Variants in TAOK3 observed in about 807,000 individuals in gnomAD.
TAOK3 encodes the protein serine/threonine-protein kinase TAO3.
Under a neutral mutation model 120.4 loss-of-function variants are expected in TAOK3, and 40 were observed. That is an observed-to-expected ratio of 0.33 (90% CI 0.26 to 0.43). The LOEUF is 0.43. Among genes scored for constraint, TAOK3 ranks in the 20% least tolerant of loss-of-function variants. The pLI, the probability that TAOK3 is intolerant of heterozygous loss-of-function variation, is 1.00. For synonymous variants in TAOK3, 355 were observed against 387.5 expected, an observed-to-expected ratio of 0.92 and a Z score of 0.99; for missense variants, 821 against 1,112.1, an observed-to-expected ratio of 0.74 and a Z score of 3.72.
At position 118,167,152 on chromosome 12, in the gene TAOK3, CTG is replaced by C. The variant is rs1399632722; in HGVS notation, c.1900-5127_1900-5126del. 2.0e-5 allele frequency among the ~76,000 whole-genome samples: 3 copies of C among 152,098 alleles called. No individual in the cohort carries two copies. The East Asian group carries it at 5.8e-4, about 29-fold the overall frequency. ...ACACTGGTCAGAAAATGCTGAGTGT[CTG>C]TGTGTGTTGGTGATAGAGAAAGAGG... On this transcript the variant is annotated intron_variant, in intron 17 of 20. Transcript: ENST00000392533.
At chr12:118,173,606 T>C (rs1010926227) in intron 16 of TAOK3, among the ~76,000 whole-genome samples, 4 of 152,164 alleles carry the variant, frequency 2.6e-5, no homozygotes, top group African/African-American at 9.7e-5. Flanking sequence ...TAGTTTGAAT[T>C]TTAGGAAAAA....
rs186587146 is a variant in TAOK3, at chr12:118,226,136, G to A, written c.643+7538C>T. 6.3e-3 allele frequency among the ~76,000 whole-genome samples: 962 copies of A among 152,326 alleles called. 6 individuals carry two copies. Among genetic ancestry groups the A allele is most frequent in the Admixed American group, 0.013 (202 of 15,298 alleles). ...CACGCCTGTAATCCCAGCACTTTGGGAGGCCGAGGCGGGCAGATCACAAGG... is the reference window on the plus strand; with the variant it reads ...CACGCCTGTAATCCCAGCACTTTGGAAGGCCGAGGCGGGCAGATCACAAGG... On this transcript the variant is annotated intron_variant, in intron 9 of 20. Coordinates refer to ENST00000392533, the MANE Select transcript of TAOK3 (RefSeq NM_016281.4).
rs746693228 is a variant in TAOK3 at position 118,255,555 on chromosome 12, C to A, written c.13G>T (p.Val5Leu). The A allele has an allele frequency of 8.7e-6, 14 of 1,613,758 alleles. No individual in the cohort carries two copies. Among genetic ancestry groups the A allele is most frequent in the East Asian group, 6.7e-5 (3 of 44,884 alleles). Residue 5 changes from valine to leucine, a missense_variant, in exon 3 of 21, where the codon GTG (valine) becomes TTG (leucine). Around this residue, in one of 2 missense-constraint regions of TAOK3, gnomAD observed 467 missense variants for 540.0 expected, o/e 0.86. Coordinates refer to ENST00000392533, the MANE Select transcript of TAOK3 (RefSeq NM_016281.4). ...TCGGCAATCTCTGGGTCCTTCAGCA[C>A]CCCTTTACGCATGATGGCCAGTAGA... MRKG[V>L]LKDPEIADLF... is the part of the protein sequence containing the mutation.
In TAOK3 at chr12:118,172,671, C is replaced by G. The variant is rs1335836824; in HGVS notation, c.1696-11G>C. On this transcript the variant is annotated splice_polypyrimidine_tract_variant and intron_variant, in intron 16 of 20. Transcript: ENST00000392533. The stretch of plus-strand genomic sequence containing the variant: ...GTCCTCATTCATTTCCTAAAAAGAA[C>G]AGACAAAAACCAAGCCAGCCTTACT... 6.2e-7 allele frequency: 1 copy of G among 1,612,298 alleles called. No homozygotes were observed. The highest frequency in any genetic ancestry group is 1.3e-5 in the African/African-American group (1 of 74,872).
At chr12:118,363,406 C>T (rs962358106) in intron 1 of TAOK3, among the ~76,000 whole-genome samples, 1 of 152,100 alleles carries the variant, frequency 6.6e-6, no homozygotes, top group African/African-American at 2.4e-5. Flanking sequence ...AGTTGCAAGA[C>T]ACTAGGTTAG....
At chr12:118,332,036 G>A (rs915227985) in intron 1 of TAOK3, among the ~76,000 whole-genome samples, 2 of 152,202 alleles carry the variant, frequency 1.3e-5, no homozygotes, top group African/African-American at 2.4e-5. Context: ...TATTGGCGAG[G>A]TTGGTCTCGA....
chr12:118,336,837 C>T (rs181573411), intron 1 of TAOK3, among the ~76,000 whole-genome samples: 13 of 152,248 alleles, frequency 8.5e-5, no homozygotes, highest in Non-Finnish European at 1.5e-4. Flanking sequence ...TTTGGGAAGC[C>T]GACGCAGGAG....
intron 17 of TAOK3, among the ~76,000 whole-genome samples, chr12:118,164,542 C>T (rs1326456411): frequency 1.3e-5 from 2 of 151,934 alleles, no homozygotes; most frequent in African/African-American, 2.4e-5. Flanking sequence ...CTCAGCCTCC[C>T]GAGTAGCTGG....
chr12:118,349,245 G>A (rs1351787550), intron 1 of TAOK3, among the ~76,000 whole-genome samples: 1 of 152,132 alleles, frequency 6.6e-6, no homozygotes, highest in African/African-American at 2.4e-5. Flanking sequence ...AAGTAATTAT[G>A]AGCAATTCCA....
intron 9 of TAOK3, among the ~76,000 whole-genome samples, chr12:118,231,173 G>A (rs1037608840): frequency 6.6e-6 from 1 of 152,128 alleles, no homozygotes; most frequent in Non-Finnish European, 1.5e-5. Context: ...TATTTACCAA[G>A]AAGATCTGGA....
At chr12:118,340,881 T>C (rs1007570500) in intron 1 of TAOK3, among the ~76,000 whole-genome samples, 3 of 151,896 alleles carry the variant, frequency 2.0e-5, no homozygotes, top group Non-Finnish European at 4.4e-5. Flanking sequence ...TAGTCAAGGC[T>C]GCAGTGAGCC....
chr12:118,356,489 G>C (rs1157782953), intron 1 of TAOK3, among the ~76,000 whole-genome samples: 6 of 151,718 alleles, frequency 4.0e-5, no homozygotes, highest in African/African-American at 1.5e-4. Context: ...CAGTAGAGAC[G>C]GGGCTTCACC....
intron 1 of TAOK3, among the ~76,000 whole-genome samples, chr12:118,285,309 C>T (rs950370588): frequency 6.6e-6 from 1 of 152,074 alleles, no homozygotes; most frequent in Non-Finnish European, 1.5e-5. Context: ...TCCCAAAATG[C>T]TGGGATTACA....
chr12:118,301,823 C>T (rs1437695098), intron 1 of TAOK3, among the ~76,000 whole-genome samples: 45 of 121,622 alleles, frequency 3.7e-4, no homozygotes, highest in Non-Finnish European at 6.4e-5. Context: ...GCCTGGGCAA[C>T]AGAGTGAGAC....
At chr12:118,351,432 A>G (rs1318683526) in intron 1 of TAOK3, among the ~76,000 whole-genome samples, 1 of 152,212 alleles carries the variant, frequency 6.6e-6, no homozygotes, top group Non-Finnish European at 1.5e-5. Flanking sequence ...TACTGAGTAC[A>G]TAAATGGACA....
chr12:118,159,875 T>A, intron 19 of TAOK3: 2 of 497,920 alleles, frequency 4.0e-6, no homozygotes, highest in South Asian at 4.5e-5. Flanking sequence ...TGGTATCATA[T>A]GTGGTATCTA....
In TAOK3 at chr12:118,214,105, G is replaced by C; in HGVS notation, c.649C>G (p.Arg217Gly). Residue 217 changes from arginine to glycine, a missense_variant, in exon 10 of 21, where the codon CGG (arginine) becomes GGG (glycine). By Grantham distance (125) the Arg-to-Gly change is moderately radical. Transcript: ENST00000392533. Reference sequence around the variant, plus strand: ...TTCATGTTGAAAAGGGGCGGCTTCCGTTCCGCTGGAAGAGGAAAGAAACAC... The same window carrying C: ...TTCATGTTGAAAAGGGGCGGCTTCCCTTCCGCTGGAAGAGGAAAGAAACAC... ...LGITCIELAE[R>G]KPPLFNMNAM... 1 of 1,607,892 alleles carries C rather than the reference G, an allele frequency of 6.2e-7. No homozygotes were observed. The highest frequency in any genetic ancestry group is 8.5e-7 in the Non-Finnish European group (1 of 1,178,422).
chr12:118,197,494 T>C (rs2037786201), intron 13 of TAOK3, among the ~76,000 whole-genome samples: 2 of 152,128 alleles, frequency 1.3e-5, no homozygotes, highest in Non-Finnish European at 2.9e-5. Flanking sequence ...TTCTTGTTGA[T>C]TATGCCAGTA....
At chr12:118,259,239 C>T (rs763244651) in intron 2 of TAOK3, among the ~76,000 whole-genome samples, 16 of 152,052 alleles carry the variant, frequency 1.1e-4, no homozygotes, top group Non-Finnish European at 1.9e-4. Context: ...TATCTGCCAC[C>T]GGGAACAATT....
Sources: allele counts gnomAD v4.1 joint callset (sites outside exome capture counted in the v4.1 genomes callset), GRCh38; gene constraint gnomAD v4.1.1; regional missense constraint gnomAD v4.1.1; transcripts MANE v1.5; gene names NCBI Gene and HGNC (gene_info 2026-07-23, HGNC 2026-07-21).